TNS3: variants seen among roughly 807,000 people sequenced by gnomAD.
The protein encoded by TNS3 is tensin 3.
TNS3 carries 45 observed loss-of-function variants against 140.9 expected under a neutral mutation model. The ratio of observed to expected loss-of-function variants is 0.32; its 90% CI spans 0.25 to 0.41. TNS3 has a LOEUF of 0.41. TNS3 is among the 10% of genes least tolerant of loss of function. The pLI, the probability that TNS3 is intolerant of heterozygous loss-of-function variation, is 1.00. For synonymous variants in TNS3, 815 were observed against 788.4 expected, an observed-to-expected ratio of 1.03 and a Z score of -0.56; for missense variants, 1,716 against 1,906.7, an observed-to-expected ratio of 0.90 and a Z score of 1.86.
At chr7:47,512,245 G>C (rs1335028564) in intron 2 of TNS3, among the ~76,000 whole-genome samples, 1 of 152,158 alleles carries the variant, frequency 6.6e-6, no homozygotes, top group Non-Finnish European at 1.5e-5. Context: ...GCCCACTAAA[G>C]CAAACATCTA....
chr7:47,351,770 C>A (rs1789687218), intron 17 of TNS3, among the ~76,000 whole-genome samples: 1 of 152,178 alleles, frequency 6.6e-6, no homozygotes, highest in Admixed American at 6.5e-5. Flanking sequence ...CAACAGCGAG[C>A]AGGAACTAAG....
At chr7:47,535,391 T>C (rs909832499) in intron 1 of TNS3, among the ~76,000 whole-genome samples, 1 of 151,356 alleles carries the variant, frequency 6.6e-6, no homozygotes, top group African/African-American at 2.5e-5. Context: ...GCCATTTGAA[T>C]TGCTGGATCT....
chr7:47,408,143 G>A (rs773181093), intron 13 of TNS3, among the ~76,000 whole-genome samples: 2 of 152,112 alleles, frequency 1.3e-5, no homozygotes, highest in African/African-American at 4.8e-5. Context: ...GCCCAGGGTG[G>A]CCTGGAGGCC....
intron 20 of TNS3, among the ~76,000 whole-genome samples, chr7:47,323,331 A>C (rs2150862034): frequency 6.6e-6 from 1 of 152,356 alleles, no homozygotes; most frequent in East Asian, 1.9e-4. Flanking sequence ...TCCGGTACTG[A>C]AAGAAAAGAA....
intron 1 of TNS3, among the ~76,000 whole-genome samples, chr7:47,530,838 A>AAAAAAAAAAAAAAAAATAT: frequency 1.8e-5 from 1 of 54,564 alleles, no homozygotes; most frequent in Admixed American, 2.3e-4. Flanking sequence ...AAAAAAAAAA[A>AAAAAAAAAAAAAAAAATAT]ATATATATAT....
At chr7:47,579,594 A>G (rs1226299642) in intron 1 of TNS3, 1 of 152,372 alleles carries the variant, frequency 6.6e-6, no homozygotes, top group Non-Finnish European at 1.5e-5. Context: ...TCTCAAGTTC[A>G]TACACAGGGA....
chr7:47,352,791 C>A (rs555681768), intron 17 of TNS3, among the ~76,000 whole-genome samples: 1 of 152,358 alleles, frequency 6.6e-6, no homozygotes, highest in African/African-American at 2.4e-5. Flanking sequence ...ACTGCTCTGA[C>A]TAGCCCAGCC....
chr7:47,402,386 T>G (rs187070141), intron 13 of TNS3, among the ~76,000 whole-genome samples: 1 of 152,286 alleles, frequency 6.6e-6, no homozygotes, highest in East Asian at 1.9e-4. Context: ...CCAGGGCGTT[T>G]GCAAGTAGAA....
chr7:47,384,437 C>T (rs1353816089), intron 16 of TNS3, among the ~76,000 whole-genome samples: 3 of 152,266 alleles, frequency 2.0e-5, no homozygotes, highest in Non-Finnish European at 2.9e-5. Flanking sequence ...CCCCAAACGT[C>T]CATGCCTCCC....
intron 23 of TNS3, among the ~76,000 whole-genome samples, chr7:47,301,932 A>C (rs1002673354): frequency 1.3e-5 from 2 of 152,198 alleles, no homozygotes; most frequent in Non-Finnish European, 2.9e-5. Context: ...ATTACACCCT[A>C]CACACTGGAA....
chr7:47,445,158 G>A (rs958370722), intron 4 of TNS3, among the ~76,000 whole-genome samples: 5 of 152,154 alleles, frequency 3.3e-5, no homozygotes, highest in African/African-American at 1.2e-4. Context: ...AACACAGACA[G>A]CTTGACACCC....
intron 2 of TNS3, among the ~76,000 whole-genome samples, chr7:47,518,295 G>A (rs1481559990): frequency 6.6e-6 from 1 of 152,098 alleles, no homozygotes; most frequent in Non-Finnish European, 1.5e-5. Context: ...GCACAGGTAG[G>A]ATTGGATGTC....
chr7:47,361,221 A>AAAAAC (rs1790307440), intron 17 of TNS3, among the ~76,000 whole-genome samples: 1 of 149,214 alleles, frequency 6.7e-6, no homozygotes, highest in Non-Finnish European at 1.5e-5. Context: ...AAAAAAAAAA[A>AAAAAC]AAACAAGCAA....
chr7:47,501,186 AAGGGAGGGAGGG>A (rs113002696), intron 3 of TNS3, among the ~76,000 whole-genome samples: 724 of 54,864 alleles, frequency 0.013, 11 homozygotes, highest in African/African-American at 0.033. Context: ...GGAAGGAAGG[AAGGGAGGGAGGG>A]AGGGAGGGAG....
chr7:47,575,326 A>T (rs180727220), intron 1 of TNS3, among the ~76,000 whole-genome samples: 57 of 152,320 alleles, frequency 3.7e-4, no homozygotes, highest in East Asian at 2.5e-3. Context: ...ATATGGTATG[A>T]TCTCAGCTTG....
chr7:47,470,625 A>G, intron 4 of TNS3: 1 of 985,428 alleles, frequency 1.0e-6, no homozygotes, highest in South Asian at 4.7e-5. Context: ...CAGCGCAGAG[A>G]AATGCAGCAA....
chr7:47,523,146 A>G (rs1230208487), intron 2 of TNS3, among the ~76,000 whole-genome samples: 1 of 152,034 alleles, frequency 6.6e-6, no homozygotes, highest in African/African-American at 2.4e-5. Flanking sequence ...TGGTTCATAG[A>G]TGGTGCCTCC....
chr7:47,557,136 C>T, intron 1 of TNS3: 1 of 456,818 alleles, frequency 2.2e-6, no homozygotes, highest in Non-Finnish European at 4.4e-6. Flanking sequence ...GGCTCAGATC[C>T]ACCTTGGACA....
chr7:47,460,698 C>T (rs532024657), intron 4 of TNS3, among the ~76,000 whole-genome samples: 1 of 152,354 alleles, frequency 6.6e-6, no homozygotes, highest in South Asian at 2.1e-4. Context: ...GAAACGTTGC[C>T]TCCTCCTCCT....
Sources: gnomAD v4.1 joint callset for allele counts (sites outside exome capture counted in the v4.1 genomes callset) on GRCh38, gnomAD v4.1.1 for gene constraint, MANE v1.5 for transcripts, NCBI Gene and HGNC (gene_info 2026-07-23, HGNC 2026-07-21) for gene names.